Variants in SKAP2 observed in about 807,000 individuals in gnomAD.
The protein encoded by SKAP2 is src kinase-associated phosphoprotein 2.
SKAP2 carries 28 observed loss-of-function variants against 54.9 expected under a neutral mutation model. The observed-to-expected ratio is 0.51, with a 90% CI of 0.38 to 0.70. SKAP2 has a LOEUF of 0.70. SKAP2 is among the 30% of genes least tolerant of loss of function. SKAP2 has a pLI of 0.00. For synonymous variants in SKAP2, 137 were observed against 134.3 expected (o/e 1.02, Z -0.14); for missense variants, 356 against 424.1 (o/e 0.84, Z 1.41).
intron 9 of SKAP2, among the ~76,000 whole-genome samples, chr7:26,710,174 C>A (rs1014415372): frequency 1.4e-4 from 22 of 152,120 alleles, no homozygotes; most frequent in African/African-American, 5.3e-4. Context: ...GAGGAAGGCA[C>A]TTGGTCAAGT....
rs1481501938 is a variant in SKAP2 at position 26,693,272 on chromosome 7, C to A, written c.797-2910G>T. 2.2e-5 allele frequency among the ~76,000 whole-genome samples: 3 copies of A among 135,188 alleles called. No homozygotes were observed. In the Admixed American group the frequency reaches 2.5e-4, roughly 11 times the overall value. The allele number at this position is 135,188 out of a possible 152,430, so 88.7% of individuals were successfully genotyped here. On this transcript the variant is annotated intron_variant, in intron 9 of 12. Transcript: ENST00000345317. ...GCTTGAACCTGGGAGGCGGAGGTTG[C>A]AATGAGCTGAGATCGCGCCACTGCA...
chr7:26,847,565 A>C (rs1298874862), intron 3 of SKAP2, among the ~76,000 whole-genome samples: 1 of 152,194 alleles, frequency 6.6e-6, no homozygotes, highest in African/African-American at 2.4e-5. Flanking sequence ...AACAATAGGC[A>C]TCAGGTAAAC....
chr7:26,854,250 A>G, intron 2 of SKAP2, 88 bp from the exon 3 acceptor site: 1 of 796,512 alleles, frequency 1.3e-6, no homozygotes, highest in South Asian at 1.9e-5. Context: ...CAAAATCTAT[A>G]TTAAAAATAC....
intron 4 of SKAP2, among the ~76,000 whole-genome samples, chr7:26,752,987 G>C (rs1782717663): frequency 6.6e-6 from 1 of 152,112 alleles, no homozygotes; most frequent in African/African-American, 2.4e-5. Flanking sequence ...GTAACTGAAA[G>C]GATTATAAAG....
chr7:26,682,096 C>T (rs532782294), intron 11 of SKAP2, among the ~76,000 whole-genome samples: 2 of 152,208 alleles, frequency 1.3e-5, no homozygotes, highest in African/African-American at 4.8e-5. Context: ...CTGCGAGGCA[C>T]CTAAAAATGC....
At chr7:26,816,421 C>G (rs1308942537) in intron 4 of SKAP2, among the ~76,000 whole-genome samples, 1 of 151,438 alleles carries the variant, frequency 6.6e-6, no homozygotes, top group Non-Finnish European at 1.5e-5. Context: ...TTTTAGTAGG[C>G]CAGATATTAA....
chr7:26,717,240 G>T (rs1787466554), intron 9 of SKAP2, among the ~76,000 whole-genome samples: 1 of 152,148 alleles, frequency 6.6e-6, no homozygotes, highest in Non-Finnish European at 1.5e-5. Flanking sequence ...GCCTGGCACA[G>T]TGGCTCATGT....
At chr7:26,831,791 A>G (rs1286135672) in intron 4 of SKAP2, among the ~76,000 whole-genome samples, 4 of 152,246 alleles carry the variant, frequency 2.6e-5, no homozygotes, top group African/African-American at 9.6e-5. Context: ...TTTCATTTTT[A>G]GAGTGACTAA....
intron 9 of SKAP2, among the ~76,000 whole-genome samples, chr7:26,722,385 ATTTTTTT>A (rs35643377): frequency 1.1e-5 from 1 of 89,056 alleles, no homozygotes; most frequent in South Asian, 3.9e-4. Flanking sequence ...ATGCAATGCA[ATTTTTTT>A]TTTTTTTTTT....
chr7:26,856,552 G>A (rs767810356), intron 1 of SKAP2, among the ~76,000 whole-genome samples: 1 of 152,166 alleles, frequency 6.6e-6, no homozygotes, highest in Non-Finnish European at 1.5e-5. Flanking sequence ...AACTTATGAA[G>A]AAGCATGTTG....
chr7:26,665,448 C>CTAGT (rs1296531641), downstream of SKAP2, among the ~76,000 whole-genome samples: 1 of 152,108 alleles, frequency 6.6e-6, no homozygotes, highest in Admixed American at 6.6e-5. Flanking sequence ...ATTTTCTCTA[C>CTAGT]CAGGTTTACT....
intron 4 of SKAP2, among the ~76,000 whole-genome samples, chr7:26,775,938 AG>A (rs1384717114): frequency 5.3e-5 from 8 of 152,154 alleles, no homozygotes; most frequent in Non-Finnish European, 1.2e-4. Context: ...CTGGCTTTTT[AG>A]AAGAGTAGTT....
downstream of SKAP2, among the ~76,000 whole-genome samples, chr7:26,663,400 C>T (rs1786048694): frequency 6.6e-6 from 1 of 151,994 alleles, no homozygotes; most frequent in Admixed American, 6.6e-5. Flanking sequence ...AGGACTTGTT[C>T]AAAAAACACA....
intron 11 of SKAP2, among the ~76,000 whole-genome samples, chr7:26,680,341 G>T (rs956040222): frequency 6.6e-6 from 1 of 152,024 alleles, no homozygotes; most frequent in Non-Finnish European, 1.5e-5. Context: ...TCAAAAACAT[G>T]GTTCTAGGAA....
intron 4 of SKAP2, among the ~76,000 whole-genome samples, chr7:26,826,793 A>G (rs1478039720): frequency 5.3e-5 from 8 of 152,220 alleles, no homozygotes. Context: ...TACCTTATTA[A>G]TCATTTTATT....
chr7:26,750,637 G>T (rs1782661309), intron 4 of SKAP2, among the ~76,000 whole-genome samples: 1 of 152,034 alleles, frequency 6.6e-6, no homozygotes, highest in South Asian at 2.1e-4. Context: ...AAATTGTGGG[G>T]TGTTGTTTCA....
intron 9 of SKAP2, among the ~76,000 whole-genome samples, chr7:26,691,497 A>G (rs1266455032): frequency 6.6e-6 from 1 of 152,240 alleles, no homozygotes; most frequent in Non-Finnish European, 1.5e-5. Context: ...TAACTATTCA[A>G]TCAATCAGTC....
chr7:26,694,639 G>A (rs2127942984), intron 9 of SKAP2, among the ~76,000 whole-genome samples: 1 of 150,636 alleles, frequency 6.6e-6, no homozygotes, highest in Non-Finnish European at 1.5e-5. Flanking sequence ...AAACTTCCAG[G>A]AGCAATCAGA....
chr7:26,737,103 T>TA (rs1157970250), intron 6 of SKAP2, among the ~76,000 whole-genome samples: 3 of 152,178 alleles, frequency 2.0e-5, no homozygotes, highest in African/African-American at 7.2e-5. Flanking sequence ...CATTGATTCT[T>TA]AAAGAAATTA....
Sources: gnomAD v4.1 joint callset for allele counts (sites outside exome capture counted in the v4.1 genomes callset) on GRCh38, gnomAD v4.1.1 for gene constraint, MANE v1.5 for transcripts, NCBI Gene and HGNC (gene_info 2026-07-23, HGNC 2026-07-21) for gene names.